MROH1: variants seen among roughly 807,000 people sequenced by gnomAD.
MROH1 encodes maestro heat like repeat family member 1.
A neutral mutation model predicts 116.5 loss-of-function variants in MROH1; 117 were observed. The ratio of observed to expected loss-of-function variants is 1.00; its 90% CI spans 0.86 to 1.17. The LOEUF is 1.17. MROH1 is among the 50% of genes most tolerant of loss of function. MROH1 has a pLI of 0.00. For synonymous variants in MROH1, 921 were observed against 583.9 expected, an observed-to-expected ratio of 1.58 and a Z score of -8.32; for missense variants, 1,873 against 1,338.5, an observed-to-expected ratio of 1.40 and a Z score of -6.23.
chr8:144,186,034 G>C (rs967919928), intron 7 of MROH1, among the ~76,000 whole-genome samples: 1 of 152,120 alleles, frequency 6.6e-6, no homozygotes, highest in African/African-American at 2.4e-5. Context: ...TTCCCAGGCA[G>C]TGCTCCGTGG....
At chr8:144,214,686 C>T (rs1355990437) in intron 12 of MROH1, among the ~76,000 whole-genome samples, 2 of 152,184 alleles carry the variant, frequency 1.3e-5, no homozygotes, top group African/African-American at 2.4e-5. Flanking sequence ...TGTTCGTTCC[C>T]TTTGTCTCCT....
chr8:144,250,615 A>T, intron 33 of MROH1: 1 of 581,394 alleles, frequency 1.7e-6, no homozygotes, highest in Non-Finnish European at 3.1e-6. Context: ...GCACCCCCAC[A>T]GGGAAGCTGC....
At chr8:144,249,066 A>G (rs1842394426) in intron 32 of MROH1, 37 bp downstream of exon 32, 6 of 713,418 alleles carry the variant, frequency 8.4e-6, no homozygotes, top group Non-Finnish European at 1.6e-5. Context: ...GCTCCAGGAG[A>G]AGGTGGGAGA....
chr8:144,234,675 T>C (rs370376336), intron 14 of MROH1, among the ~76,000 whole-genome samples: 2 of 147,298 alleles, frequency 1.4e-5, no homozygotes, highest in East Asian at 4.1e-4. Flanking sequence ...CACCACCATG[T>C]CTGGCTAATT....
At chr8:144,151,267 A>C (rs1816710669) in intron 1 of MROH1, among the ~76,000 whole-genome samples, 2 of 151,178 alleles carry the variant, frequency 1.3e-5, no homozygotes, top group Admixed American at 6.6e-5. Context: ...AAAAAAAAAA[A>C]AAAAAAACCT....
chr8:144,221,106 C>A (rs1836634657), intron 13 of MROH1, among the ~76,000 whole-genome samples: 1 of 152,150 alleles, frequency 6.6e-6, no homozygotes, highest in Admixed American at 6.5e-5. Flanking sequence ...CAGTGTTAGA[C>A]CCCCCGCCCC....
intron 7 of MROH1, among the ~76,000 whole-genome samples, chr8:144,189,671 G>A (rs2131561469): frequency 6.6e-6 from 1 of 152,334 alleles, no homozygotes; most frequent in African/African-American, 2.4e-5. Flanking sequence ...ACCCGTGGGA[G>A]GGCCTCATGC....
intron 12 of MROH1, 110 bp from the exon 13 acceptor site, chr8:144,220,488 CCT>C: frequency 2.4e-6 from 2 of 818,628 alleles, no homozygotes; most frequent in Non-Finnish European, 3.8e-6. Context: ...CCTTATGCTC[CCT>C]CTTCCTCCTA....
chr8:144,234,176 A>G (rs1554823770), intron 14 of MROH1, among the ~76,000 whole-genome samples: 1 of 151,928 alleles, frequency 6.6e-6, no homozygotes, highest in Admixed American at 6.6e-5. Flanking sequence ...CGCCCCGCTA[A>G]TTTTTTGTAT....
intron 31 of MROH1, among the ~76,000 whole-genome samples, chr8:144,248,082 G>A (rs904996572): frequency 6.6e-6 from 1 of 152,240 alleles, no homozygotes. Context: ...CAAGAGCCAC[G>A]TGGGGGGCTA....
At chr8:144,194,516 G>A (rs1461447013) in intron 10 of MROH1, among the ~76,000 whole-genome samples, 1 of 152,166 alleles carries the variant, frequency 6.6e-6, no homozygotes, top group Non-Finnish European at 1.5e-5. Context: ...AATGCGGATC[G>A]GGTCCTCTGC....
Position 144,250,351 on chromosome 8 carries a change from C to G in MROH1, c.3413C>G (p.Pro1138Arg). 1.3e-6 allele frequency: 1 copy of G among 765,234 alleles called. No individual in the cohort carries two copies. Among genetic ancestry groups the G allele is most frequent in the African/African-American group, 1.7e-5 (1 of 59,026 alleles). The allele number at this position is 765,234 out of a possible 1,614,324, so 47.4% of individuals were successfully genotyped here. The change falls in exon 33 of 44, where the codon CCC becomes CGC. Residue 1138 changes from proline (P) to arginine (R), a missense_variant. Coordinates refer to ENST00000326134, the MANE Select transcript of MROH1 (RefSeq NM_032450.3). ...GTGGTGTCCAGCCTCCTGGGCAGCC[C>G]CTTGCCCTTGGACAGGTACCCAGCT... ...AAVVSSLLGSPLPLDSHTCML... is the reference protein window; with the variant it reads ...AAVVSSLLGSRLPLDSHTCML...
intron 4 of MROH1, among the ~76,000 whole-genome samples, chr8:144,179,232 T>C (rs1488254463): frequency 1.3e-5 from 2 of 152,050 alleles, no homozygotes; most frequent in African/African-American, 4.8e-5. Flanking sequence ...GCATGTTGGT[T>C]GTCTGGCGCA....
intron 14 of MROH1, among the ~76,000 whole-genome samples, chr8:144,224,330 C>T (rs940376558): frequency 2.6e-5 from 4 of 152,190 alleles, no homozygotes; most frequent in South Asian, 4.1e-4. Context: ...AGTGCATTGG[C>T]GAGATCACAG....
chr8:144,240,776 T>C, intron 20 of MROH1, 99 bp downstream of exon 20: 2 of 693,206 alleles, frequency 2.9e-6, no homozygotes, highest in South Asian at 3.1e-5. Context: ...CCCGTGGCCC[T>C]GGTGGCCTGG....
Position 144,244,499 on chromosome 8 carries a change from A to T in MROH1, c.2726A>T (p.Gln909Leu). 1 of 774,324 alleles carries T rather than the reference A, an allele frequency of 1.3e-6. No homozygotes were observed. The highest frequency in any genetic ancestry group is 2.4e-6 in the Non-Finnish European group (1 of 415,058). The allele number at this position is 774,324 out of a possible 1,614,324, so 48.0% of individuals were successfully genotyped here. The change falls in exon 28 of 44, where the codon CAG (glutamine) becomes CTG (leucine). Residue 909 changes from glutamine (Q) to leucine (L), a missense_variant. Physicochemically the swap from Gln to Leu is moderately radical, Grantham distance 113. Coordinates refer to ENST00000326134, the MANE Select transcript of MROH1 (RefSeq NM_032450.3). ...GAGGATCTGCTGACGAGCCTCCTGC[A>T]GCGGAACATGACCCCCCAAGGCCTG... Reference protein sequence around the residue: ...ALEDLLTSLLQRNMTPQGLQI... With the variant: ...ALEDLLTSLLLRNMTPQGLQI...
intron 33 of MROH1, 74 bp downstream of exon 33, chr8:144,250,440 C>G: frequency 1.4e-6 from 1 of 706,168 alleles, no homozygotes. Flanking sequence ...TCCCCGAGCC[C>G]TCCACCCGGC....
At chr8:144,256,156 T>C (rs1165303008) in intron 35 of MROH1, among the ~76,000 whole-genome samples, 3 of 152,240 alleles carry the variant, frequency 2.0e-5, no homozygotes, top group African/African-American at 7.2e-5. Flanking sequence ...GCTGCCCAGG[T>C]GCCTGACATG....
At chr8:144,249,623 G>A (rs1460692939) in intron 32 of MROH1, among the ~76,000 whole-genome samples, 1 of 152,114 alleles carries the variant, frequency 6.6e-6, no homozygotes, top group East Asian at 1.9e-4. Flanking sequence ...GGGTCCCAGG[G>A]CCAGCGTCCT....
Sources: allele counts gnomAD v4.1 joint callset (sites outside exome capture counted in the v4.1 genomes callset), GRCh38; gene constraint gnomAD v4.1.1; transcripts MANE v1.5; gene names NCBI Gene and HGNC (gene_info 2026-07-23, HGNC 2026-07-21).